Variants in RFPL1 observed in about 807,000 individuals in gnomAD.
RFPL1 encodes ret finger protein-like 1.
Under a neutral mutation model 9.6 loss-of-function variants are expected in RFPL1, and 6 were observed. That is an observed-to-expected ratio of 0.62 (90% CI 0.34 to 1.23). The LOEUF is 1.23. Ranked by LOEUF, RFPL1 falls within the 50% of genes most tolerant of loss-of-function variation. The pLI, the probability that RFPL1 is intolerant of heterozygous loss-of-function variation, is 0.03. For missense variants in RFPL1, 352 were observed against 398.4 expected (o/e 0.88, Z 0.99); for synonymous variants, 145 against 149.4 (o/e 0.97, Z 0.22).
At chr22:29,417,185 T>C in the RFPL1 span, among the ~76,000 whole-genome samples, 2,619 of 152,006 alleles carry the variant, frequency 0.017, 58 homozygotes, top group African/African-American at 0.059. Flanking sequence ...TCTTTGGGGC[T>C]TATCATATCA....
the RFPL1 span, among the ~76,000 whole-genome samples, chr22:29,407,079 T>TTG: frequency 8.1e-3 from 1,188 of 146,000 alleles, 6 homozygotes; most frequent in Middle Eastern, 0.024. Flanking sequence ...AGTTGTTCTT[T>TTG]TGTGTGTGTG....
the RFPL1 span, among the ~76,000 whole-genome samples, chr22:29,404,853 C>T: frequency 0.012 from 1,768 of 152,176 alleles, 40 homozygotes; most frequent in African/African-American, 0.041. Flanking sequence ...AAGTCTTCCA[C>T]GTACCTAGGT....
upstream of RFPL1, chr22:29,437,858 G>C (rs1207306987): frequency 4.4e-6 from 4 of 914,346 alleles, no homozygotes; most frequent in East Asian, 3.3e-5. Flanking sequence ...TGCTGCCTCA[G>C]AGTTGAAAAC....
the RFPL1 span, among the ~76,000 whole-genome samples, chr22:29,418,768 G>A: frequency 6.6e-6 from 1 of 152,104 alleles, no homozygotes; most frequent in East Asian, 1.9e-4. Context: ...CAAGTGCTAG[G>A]ATTACAGGTG....
chr22:29,416,768 C>T, the RFPL1 span, among the ~76,000 whole-genome samples: 40,354 of 151,980 alleles, frequency 0.27, 7,184 homozygotes, highest in African/African-American at 0.47. Context: ...TTTAACTGCC[C>T]TTAGAAGTCA....
At chr22:29,438,179 CTTT>C (rs60607519), upstream of RFPL1, 20 of 94,848 alleles carry the variant, frequency 2.1e-4, no homozygotes, top group Admixed American at 2.4e-4. Context: ...CAGTCCCTCT[CTTT>C]TTTTTTTTTT....
At chr22:29,419,385 G>A in the RFPL1 span, 1 of 623,410 alleles carries the variant, frequency 1.6e-6, no homozygotes, top group Non-Finnish European at 2.9e-6. Flanking sequence ...GCTGAGGGAA[G>A]CTTCAGGCGC....
At chr22:29,410,105 G>A in the RFPL1 span, among the ~76,000 whole-genome samples, 14 of 150,878 alleles carry the variant, frequency 9.3e-5, no homozygotes, top group African/African-American at 2.9e-4. Flanking sequence ...GTCACCAAGT[G>A]AATAATAGAC....
the RFPL1 span, among the ~76,000 whole-genome samples, chr22:29,402,783 A>G: frequency 6.9e-6 from 1 of 144,684 alleles, no homozygotes; most frequent in East Asian, 2.0e-4. Context: ...GCCCGGGGTG[A>G]CTTCCAATAA....
upstream of RFPL1, among the ~76,000 whole-genome samples, chr22:29,434,225 G>T (rs2146363038): frequency 6.6e-6 from 1 of 152,242 alleles, no homozygotes; most frequent in Non-Finnish European, 1.5e-5. Context: ...AACAGAGTCT[G>T]CTAAATTTTA....
At chr22:29,397,241 C>T in the RFPL1 span, among the ~76,000 whole-genome samples, 1 of 152,186 alleles carries the variant, frequency 6.6e-6, no homozygotes, top group Non-Finnish European at 1.5e-5. Context: ...CCCACAATGA[C>T]ATAAGTTCAA....
At chr22:29,401,120 A>G in the RFPL1 span, among the ~76,000 whole-genome samples, 8 of 152,232 alleles carry the variant, frequency 5.3e-5, no homozygotes, top group Admixed American at 5.2e-4. Flanking sequence ...AGTCACGGTC[A>G]TACCCATGGC....
At chr22:29,442,419 T>C in exon 2 of RFPL1, 1 of 228,352 alleles carries the variant, frequency 4.4e-6, no homozygotes, top group Non-Finnish European at 8.5e-6. Flanking sequence ...ATTAATGTAT[T>C]ATAGAAGTTA....
chr22:29,429,415 A>C, the RFPL1 span, among the ~76,000 whole-genome samples: 21,543 of 149,938 alleles, frequency 0.14, 3,444 homozygotes, highest in East Asian at 0.38. Context: ...GCTAACTAAG[A>C]AAAAAGAAGA....
At chr22:29,419,202 C>T in the RFPL1 span, 91 of 1,601,646 alleles carry the variant, frequency 5.7e-5, no homozygotes, top group African/African-American at 1.1e-3. Context: ...TCTTCACTGC[C>T]TCCTTCTTCT....
the RFPL1 span, among the ~76,000 whole-genome samples, chr22:29,424,841 C>G: frequency 1.7e-5 from 2 of 115,204 alleles, no homozygotes; most frequent in African/African-American, 3.4e-5. Flanking sequence ...CCACCCCCCC[C>G]CCCGCAAAAT....
the RFPL1 span, among the ~76,000 whole-genome samples, chr22:29,432,524 C>T: frequency 9.0e-4 from 137 of 152,250 alleles, no homozygotes; most frequent in South Asian, 5.0e-3. Context: ...GAGAGAATTC[C>T]GAGCGTTAGC....
the RFPL1 span, among the ~76,000 whole-genome samples, chr22:29,411,178 G>C: frequency 2.0e-5 from 3 of 152,120 alleles, no homozygotes; most frequent in Non-Finnish European, 4.4e-5. Context: ...TTTTGTACCA[G>C]GTACTGTGTT....
At chr22:29,410,478 A>ATATATCTATATATAGATATC in the RFPL1 span, among the ~76,000 whole-genome samples, 2 of 102,088 alleles carry the variant, frequency 2.0e-5, no homozygotes, top group Non-Finnish European at 3.8e-5. Flanking sequence ...ATATAGATAT[A>ATATATCTATATATAGATATC]TATATTGTAG....
Sources: allele counts gnomAD v4.1 joint callset (sites outside exome capture counted in the v4.1 genomes callset), GRCh38; gene constraint gnomAD v4.1.1; transcripts MANE v1.5; gene names NCBI Gene and HGNC (gene_info 2026-07-23, HGNC 2026-07-21).